The following TRHDE variants were observed in gnomAD, a reference collection of about 807,000 sequenced individuals.
TRHDE encodes the protein thyrotropin releasing hormone degrading enzyme.
TRHDE carries 72 observed loss-of-function variants against 125.7 expected under a neutral mutation model. The observed-to-expected ratio is 0.57, with a 90% CI of 0.47 to 0.70. The LOEUF (loss-of-function observed/expected upper bound fraction) is 0.70. Ranked by LOEUF, TRHDE falls within the 30% of genes least tolerant of loss-of-function variation. The probability of loss-of-function intolerance (pLI) is 0.00; values close to 1 mark genes in which losing one functional copy is unlikely to be tolerated. For synonymous variants in TRHDE, 509 were observed against 509.1 expected, an observed-to-expected ratio of 1.00 and a Z score of 0.00; for missense variants, 1,110 against 1,327.1, an observed-to-expected ratio of 0.84 and a Z score of 2.54.
chr12:72,512,579 TATA>T lies in TRHDE; in HGVS notation c.1722+12950_1722+12952del, dbSNP rs1017080484. Among the ~76,000 whole-genome samples, 6 of 141,162 alleles carry T rather than the reference TATA, an allele frequency of 4.3e-5. 1 individual carries two copies. Among genetic ancestry groups the T allele is most frequent in the South Asian group, 4.2e-4 (2 of 4,740 alleles). The allele number at this position is 141,162 out of a possible 152,430, so 92.6% of individuals were successfully genotyped here. A position where few individuals can be genotyped will look rare whatever the true frequency, so the allele number is the denominator to read the frequency against. On this transcript the variant is annotated intron_variant, in intron 6 of 18. Transcript: ENST00000261180. ...TCATATATAATATAATATATAATCA[TATA>T]ATAATCATATATAATCATATATATA...
chr12:72,478,540 C>T (rs1877004489), intron 5 of TRHDE, among the ~76,000 whole-genome samples: 1 of 151,980 alleles, frequency 6.6e-6, no homozygotes, highest in South Asian at 2.1e-4. Flanking sequence ...CATGTTTTTC[C>T]GTTTAAGAGG....
chr12:72,396,317 T>C (rs909107448), intron 3 of TRHDE, among the ~76,000 whole-genome samples: 1 of 152,180 alleles, frequency 6.6e-6, no homozygotes, highest in Non-Finnish European at 1.5e-5. Flanking sequence ...TACCTCCCAT[T>C]ATCCTTTGAG....
chr12:72,143,886 G>T (rs919573617), intron 2 of TRHDE, among the ~76,000 whole-genome samples: 1 of 152,186 alleles, frequency 6.6e-6, no homozygotes, highest in Non-Finnish European at 1.5e-5. Flanking sequence ...TACGTTTCAA[G>T]TGTTTTTACT....
At chr12:72,180,577 T>C (rs1233422299) in intron 2 of TRHDE, among the ~76,000 whole-genome samples, 1 of 152,156 alleles carries the variant, frequency 6.6e-6, no homozygotes, top group Non-Finnish European at 1.5e-5. Flanking sequence ...TGAAAAGGGA[T>C]ATAGCAGAGA....
chr12:72,419,967 A>G (rs556385254), intron 3 of TRHDE, among the ~76,000 whole-genome samples: 1 of 152,344 alleles, frequency 6.6e-6, no homozygotes, highest in South Asian at 2.1e-4. Flanking sequence ...TTTTCCAAAG[A>G]AGCAAAATAC....
intron 2 of TRHDE, among the ~76,000 whole-genome samples, chr12:72,204,463 A>G (rs1877624442): frequency 6.6e-6 from 1 of 152,162 alleles, no homozygotes; most frequent in Admixed American, 6.5e-5. Flanking sequence ...GTGATTATAT[A>G]AAATCATAAA....
At chr12:72,359,543 C>G (rs561366653) in intron 2 of TRHDE, among the ~76,000 whole-genome samples, 2 of 151,616 alleles carry the variant, frequency 1.3e-5, no homozygotes, top group Admixed American at 6.6e-5. Context: ...TTTTTCAAAT[C>G]CCATTTATGG....
At chr12:72,368,060 T>C (rs1871412709) in intron 2 of TRHDE, among the ~76,000 whole-genome samples, 1 of 152,338 alleles carries the variant, frequency 6.6e-6, no homozygotes, top group Admixed American at 6.5e-5. Context: ...ATACACTGTT[T>C]CACGTGATTA....
intron 2 of TRHDE, among the ~76,000 whole-genome samples, chr12:72,180,360 T>A (rs1877072431): frequency 6.6e-6 from 1 of 152,112 alleles, no homozygotes; most frequent in African/African-American, 2.4e-5. Flanking sequence ...AACACTAGAT[T>A]CCTGCCTTCT....
At chr12:72,120,238 A>G (rs886222292) in intron 2 of TRHDE, among the ~76,000 whole-genome samples, 1 of 151,856 alleles carries the variant, frequency 6.6e-6, no homozygotes. Context: ...TTTAGTAGAG[A>G]TGGGGTTTCA....
chr12:72,483,929 G>T (rs898745595), intron 5 of TRHDE, among the ~76,000 whole-genome samples: 2 of 151,846 alleles, frequency 1.3e-5, no homozygotes, highest in East Asian at 1.9e-4. Context: ...TAATAATTTT[G>T]TTACAGAATT....
chr12:72,447,508 T>TAG (rs988107649), intron 3 of TRHDE, among the ~76,000 whole-genome samples: 2 of 152,034 alleles, frequency 1.3e-5, no homozygotes, highest in Admixed American at 1.3e-4. Context: ...AGTAGTAAGG[T>TAG]TCTAGACCAG....
rs1222988314 is a variant in TRHDE at position 72,654,873 on chromosome 12, T to C, written c.2984+1717T>C. ...TTCTGTCTCACTGCCTCTATAATTA[T>C]ATAAACACACTTTAGCCTCTTCCCT... On this transcript the variant is annotated intron_variant, in intron 17 of 18. Coordinates refer to ENST00000261180, the MANE Select transcript of TRHDE (RefSeq NM_013381.3). Among the ~76,000 whole-genome samples, 8 of 152,154 alleles carry C rather than the reference T, an allele frequency of 5.3e-5. No homozygotes were observed. In the East Asian group the frequency reaches 9.7e-4, roughly 18 times the overall value.
chr12:72,206,434 T>C (rs1162732134), intron 2 of TRHDE, among the ~76,000 whole-genome samples: 8 of 152,224 alleles, frequency 5.3e-5, no homozygotes, highest in Admixed American at 5.2e-4. Context: ...TTGAGTTAGT[T>C]GTTTACATGT....
chr12:72,360,454 G>C (rs1034200675), intron 2 of TRHDE, among the ~76,000 whole-genome samples: 1 of 151,702 alleles, frequency 6.6e-6, no homozygotes, highest in Admixed American at 6.6e-5. Flanking sequence ...GTTTGCAGAA[G>C]AGAAAAAAAT....
At chr12:72,508,788 A>G (rs766631983) in intron 6 of TRHDE, among the ~76,000 whole-genome samples, 1 of 152,082 alleles carries the variant, frequency 6.6e-6, no homozygotes, top group Non-Finnish European at 1.5e-5. Flanking sequence ...GGCCTGGTGG[A>G]AGGTGATTGA....
Position 72,619,035 on chromosome 12 carries a change from CAATGTAAAAAGATAT to C in TRHDE, c.2469+1_2469+15del. ...ACCGCATGGAAAACTACAACATTTT[CAATGTAAAAAGATAT>C]AATTTTTCTTTCTAATTTTTAGAAG... On this transcript the variant is annotated splice_donor_variant and splice_donor_5th_base_variant and coding_sequence_variant and intron_variant, in exon 13 of 19. Coordinates refer to ENST00000261180, the MANE Select transcript of TRHDE (RefSeq NM_013381.3). LOFTEE classifies it high-confidence loss of function. 1 of 1,548,770 alleles carries C rather than the reference CAATGTAAAAAGATAT, an allele frequency of 6.5e-7. No homozygotes were observed. The highest frequency in any genetic ancestry group is 8.7e-7 in the Non-Finnish European group (1 of 1,152,144).
intron 3 of TRHDE, among the ~76,000 whole-genome samples, chr12:72,441,066 T>C (rs965578449): frequency 6.6e-6 from 1 of 151,856 alleles, no homozygotes; most frequent in African/African-American, 2.4e-5. Context: ...AAAATACTGT[T>C]ATACTCAGTT....
At chr12:72,488,580 A>G (rs1877518023) in intron 5 of TRHDE, among the ~76,000 whole-genome samples, 1 of 152,054 alleles carries the variant, frequency 6.6e-6, no homozygotes, top group African/African-American at 2.4e-5. Context: ...CCCACTTTCA[A>G]CAATGGAAAC....
Sources: allele counts gnomAD v4.1 joint callset (sites outside exome capture counted in the v4.1 genomes callset), GRCh38; gene constraint gnomAD v4.1.1; transcripts MANE v1.5; gene names NCBI Gene and HGNC (gene_info 2026-07-23, HGNC 2026-07-21).